SRGAP2C: variants seen among roughly 807,000 people sequenced by gnomAD.
The protein encoded by SRGAP2C is SLIT-ROBO Rho GTPase-activating protein 2C.
Under a neutral mutation model 25.1 loss-of-function variants are expected in SRGAP2C, and 15 were observed. The observed-to-expected ratio is 0.60, with a 90% CI of 0.40 to 0.92. The LOEUF (loss-of-function observed/expected upper bound fraction) is 0.92, where lower values mean the gene tolerates loss of function less well. Ranked by LOEUF, SRGAP2C falls within the 40% of genes least tolerant of loss-of-function variation. The pLI, the probability that SRGAP2C is intolerant of heterozygous loss-of-function variation, is 0.00. For missense variants in SRGAP2C, 144 were observed against 264.4 expected, an observed-to-expected ratio of 0.54 and a Z score of 3.16; for synonymous variants, 44 against 96.6, an observed-to-expected ratio of 0.46 and a Z score of 3.19.
At chr1:121,249,580 A>AT (rs1159053572) in intron 2 of SRGAP2C, among the ~76,000 whole-genome samples, 703 of 22,360 alleles carry the variant, frequency 0.031, 14 homozygotes, top group Non-Finnish European at 0.041. Context: ...ATATATATAT[A>AT]TTTTTTTTTT....
chr1:121,309,288 T>C (rs1258831192), intron 3 of SRGAP2C, among the ~76,000 whole-genome samples: 18 of 133,152 alleles, frequency 1.4e-4, no homozygotes, highest in African/African-American at 4.7e-4. Flanking sequence ...ATTTATTTTT[T>C]ATTTATTTAT....
chr1:121,218,910 G>A (rs1210258422), intron 2 of SRGAP2C, among the ~76,000 whole-genome samples: 7 of 151,658 alleles, frequency 4.6e-5, no homozygotes, highest in Non-Finnish European at 1.0e-4. Flanking sequence ...AGTGAACCAA[G>A]TTCTTAAATA....
chr1:121,288,771 C>T (rs1215671718), intron 3 of SRGAP2C, among the ~76,000 whole-genome samples: 2 of 58,164 alleles, frequency 3.4e-5, no homozygotes, highest in Non-Finnish European at 6.8e-5. Flanking sequence ...GATTGGTGCA[C>T]TCACAAATCT....
At chr1:121,289,363 T>A (rs1657445556) in intron 3 of SRGAP2C, among the ~76,000 whole-genome samples, 1 of 151,586 alleles carries the variant, frequency 6.6e-6, no homozygotes, top group Admixed American at 6.6e-5. Flanking sequence ...AAGTCCCCCA[T>A]TGCCCGGGGC....
At chr1:121,188,230 T>A (rs1267314922) in intron 2 of SRGAP2C, among the ~76,000 whole-genome samples, 3 of 152,226 alleles carry the variant, frequency 2.0e-5, no homozygotes, top group Admixed American at 6.5e-5. Context: ...CCTTCTGTGC[T>A]GTGGCCCTCT....
intron 2 of SRGAP2C, among the ~76,000 whole-genome samples, chr1:121,191,033 C>A (rs1654659549): frequency 6.6e-6 from 1 of 152,128 alleles, no homozygotes; most frequent in Non-Finnish European, 1.5e-5. Flanking sequence ...TCTTAAAAAC[C>A]ATCATTGTTT....
chr1:121,269,958 G>A (rs1220380158), intron 2 of SRGAP2C, among the ~76,000 whole-genome samples: 1 of 151,330 alleles, frequency 6.6e-6, no homozygotes, highest in African/African-American at 2.4e-5. Context: ...TTTTTTTGTT[G>A]TTTCTTTTTT....
chr1:121,295,743 G>T (rs1425137970), intron 3 of SRGAP2C, among the ~76,000 whole-genome samples: 7 of 150,652 alleles, frequency 4.6e-5, no homozygotes, highest in Admixed American at 4.6e-4. Flanking sequence ...TTTTGTTGTT[G>T]TTGTTGTTGT....
chr1:121,190,249 T>C (rs1654633951), intron 2 of SRGAP2C, among the ~76,000 whole-genome samples: 1 of 148,750 alleles, frequency 6.7e-6, no homozygotes, highest in Non-Finnish European at 1.5e-5. Context: ...CTTACTTCTC[T>C]TACAGATGCC....
chr1:121,197,312 T>TA (rs1473690196), intron 2 of SRGAP2C, among the ~76,000 whole-genome samples: 23 of 150,614 alleles, frequency 1.5e-4, no homozygotes, highest in African/African-American at 5.4e-4. Flanking sequence ...ACTCTTGTAT[T>TA]ATTGCACTCA....
At chr1:121,338,584 G>T (rs1658574603) in intron 4 of SRGAP2C, among the ~76,000 whole-genome samples, 31 of 113,456 alleles carry the variant, frequency 2.7e-4, no homozygotes, top group East Asian at 4.6e-4. Context: ...CTTTTTCTCT[G>T]TTCTCTACAA....
chr1:121,345,881 C>T (rs1420988242), intron 4 of SRGAP2C, among the ~76,000 whole-genome samples: 1 of 137,260 alleles, frequency 7.3e-6, no homozygotes. Context: ...GAACTCTTGA[C>T]TTCAGGTGAT....
chr1:121,350,587 A>C (rs587732907), intron 4 of SRGAP2C, among the ~76,000 whole-genome samples: 226 of 152,266 alleles, frequency 1.5e-3, no homozygotes, highest in African/African-American at 5.3e-3. Flanking sequence ...AATAATAAAA[A>C]AAAATAACTC....
chr1:121,331,811 A>G lies in SRGAP2C; in HGVS notation c.423+7171A>G, dbSNP rs2101617823. ...AACATTATGTTGATAAAAAGAAGCC[A>G]AGCACAATGAGTACATTCTGTATGA... On this transcript the variant is annotated intron_variant, in intron 4 of 9. Coordinates refer to ENST00000367123, the MANE Select transcript of SRGAP2C (RefSeq NM_001329984.2). 1.3e-5 allele frequency among the ~76,000 whole-genome samples: 2 copies of G among 150,708 alleles called. 1 individual carries two copies. The highest frequency in any genetic ancestry group is 4.2e-4 in the South Asian group (2 of 4,728).
At chr1:121,335,117 AC>A (rs1294523233) in intron 4 of SRGAP2C, among the ~76,000 whole-genome samples, 2 of 147,442 alleles carry the variant, frequency 1.4e-5, no homozygotes, top group Non-Finnish European at 3.0e-5. Flanking sequence ...ACATGGTGAA[AC>A]CCCGTCTCTA....
intron 2 of SRGAP2C, among the ~76,000 whole-genome samples, chr1:121,204,584 C>G (rs587725374): frequency 1.3e-5 from 2 of 152,262 alleles, no homozygotes; most frequent in East Asian, 3.9e-4. Context: ...AAATGGCAAT[C>G]TAGAGACAAC....
At chr1:121,263,059 A>C (rs1656665377) in intron 2 of SRGAP2C, among the ~76,000 whole-genome samples, 2 of 152,052 alleles carry the variant, frequency 1.3e-5, no homozygotes, top group Admixed American at 1.3e-4. Context: ...CAAACATAGT[A>C]ATAAGAATTT....
At chr1:121,315,212 T>G in intron 3 of SRGAP2C, among the ~76,000 whole-genome samples, 1 of 151,200 alleles carries the variant, frequency 6.6e-6, no homozygotes, top group Non-Finnish European at 1.5e-5. Flanking sequence ...GGCACAATCA[T>G]TGTGCACTAT....
intron 2 of SRGAP2C, among the ~76,000 whole-genome samples, chr1:121,228,648 A>G (rs1357145075): frequency 4.0e-5 from 6 of 151,758 alleles, no homozygotes; most frequent in African/African-American, 1.5e-4. Flanking sequence ...CTACTACTTC[A>G]TACCTTGAAC....
Sources: gnomAD v4.1 joint callset for allele counts (sites outside exome capture counted in the v4.1 genomes callset) on GRCh38, gnomAD v4.1.1 for gene constraint, MANE v1.5 for transcripts, NCBI Gene and HGNC (gene_info 2026-07-23, HGNC 2026-07-21) for gene names.